AMOTL2: variants seen among roughly 807,000 people sequenced by gnomAD.
AMOTL2 encodes angiomotin-like protein 2.
AMOTL2 carries 33 observed loss-of-function variants against 78.4 expected under a neutral mutation model. That is an observed-to-expected ratio of 0.42 (90% CI 0.32 to 0.56). The LOEUF (loss-of-function observed/expected upper bound fraction) is 0.56, where lower values mean the gene tolerates loss of function less well. AMOTL2 is among the 20% of genes least tolerant of loss of function. AMOTL2 has a pLI of 0.12. For synonymous variants in AMOTL2, 422 were observed against 428.8 expected (o/e 0.98, Z 0.20); for missense variants, 983 against 1,030.1 (o/e 0.95, Z 0.63).
At chr3:134,367,377 G>C in intron 3 of AMOTL2, 120 bp downstream of exon 3, 2 of 1,195,366 alleles carry the variant, frequency 1.7e-6, no homozygotes, top group Non-Finnish European at 2.4e-6. Flanking sequence ...CAGAGGGATA[G>C]GGAGAAATCC....
chr3:134,361,799 G>C lies in AMOTL2; in HGVS notation c.1288C>G (p.Gln430Glu), dbSNP rs1317015868. ...VAKLLAQSYE[Q>E]QQEQEKLERE... ...TCCAGCTTCTCTTGCTCCTGCTGCT[G>C]TTCGTAGCCTGTAGGGAGAAAGAGG... Residue 430 changes from glutamine to glutamate, a missense_variant, in exon 6 of 10, where the codon CAG becomes GAG. Coordinates refer to ENST00000249883, the MANE Select transcript of AMOTL2 (RefSeq NM_016201.4). The C allele has an allele frequency of 9.7e-6, 15 of 1,553,354 alleles. No homozygotes were observed. Among genetic ancestry groups the C allele is most frequent in the Admixed American group, 1.9e-5 (1 of 53,028 alleles).
intron 5 of AMOTL2, among the ~76,000 whole-genome samples, chr3:134,364,405 A>C (rs999827462): frequency 5.3e-5 from 8 of 151,810 alleles, no homozygotes; most frequent in Non-Finnish European, 7.4e-5. Flanking sequence ...AACCCGCCCC[A>C]TGGCTTCCTT....
intron 5 of AMOTL2, among the ~76,000 whole-genome samples, chr3:134,363,596 G>C (rs1178210939): frequency 2.6e-5 from 4 of 152,258 alleles, no homozygotes; most frequent in African/African-American, 9.6e-5. Context: ...CCAGCCTCAG[G>C]CCTCAAGGCC....
chr3:134,371,952 C>T, intron 1 of AMOTL2: 1 of 173,948 alleles, frequency 5.7e-6, no homozygotes, highest in South Asian at 1.3e-4. Context: ...AGGCCTAGTT[C>T]AGATCTAACC....
rs1471820078 is a variant in AMOTL2 at position 134,360,198 on chromosome 3, A to G, written c.1791T>C (p.Thr597=). The G allele has an allele frequency of 3.7e-6, 6 of 1,614,102 alleles. No individual in the cohort carries two copies. The highest frequency in any genetic ancestry group is 2.2e-5 in the East Asian group (1 of 44,884). Residue 597 remains threonine, a synonymous_variant, in exon 7 of 10, where the codon ACT becomes ACC. Transcript: ENST00000249883. ...AGGGCTGGGGGGAATGTCGGATGAG[A>G]GTGGTGTCACGCTGAGCAGCAGCCG... ...AATAAAQRDT[T]LIRHSPQPSP...
At chr3:134,372,303 G>A (rs1013552850) in intron 1 of AMOTL2, among the ~76,000 whole-genome samples, 10 of 152,274 alleles carry the variant, frequency 6.6e-5, no homozygotes, top group African/African-American at 2.4e-4. Flanking sequence ...GATGACCTTG[G>A]CAGTCATTCT....
intron 5 of AMOTL2, among the ~76,000 whole-genome samples, chr3:134,365,513 C>T (rs1223363118): frequency 6.6e-6 from 1 of 152,218 alleles, no homozygotes; most frequent in Non-Finnish European, 1.5e-5. Flanking sequence ...CCTTGCCTCC[C>T]GCACTGCCCA....
At chr3:134,375,190 A>G (rs1434553139), upstream of AMOTL2, 6 of 1,535,486 alleles carry the variant, frequency 3.9e-6, no homozygotes, top group Admixed American at 1.2e-4. Context: ...CCACCTACCC[A>G]ACTGAATCAC....
At position 134,358,671 on chromosome 3, in the gene AMOTL2, G is replaced by A. The variant is rs772553627; in HGVS notation, c.2153C>T (p.Ala718Val). The A allele has an allele frequency of 6.2e-7, 1 of 1,614,166 alleles. No individual in the cohort carries two copies. Among genetic ancestry groups the A allele is most frequent in the Non-Finnish European group, 8.5e-7 (1 of 1,180,032 alleles). ...EEPVVTAPPAAHAKHGSRDGS... is the reference protein window; with the variant it reads ...EEPVVTAPPAVHAKHGSRDGS... ...ATCTCTGCTCCCGTGTTTGGCATGG[G>A]CAGCAGGGGGAGCTGTGACCACTGG... The change falls in exon 9 of 10, where the codon GCC (alanine) becomes GTC (valine). Residue 718 changes from alanine to valine, a missense_variant. By Grantham distance (64) the Ala-to-Val change is moderately conservative (BLOSUM62 0). Coordinates refer to ENST00000249883, the MANE Select transcript of AMOTL2 (RefSeq NM_016201.4).
At chr3:134,366,725 G>C (rs2017621662) in intron 3 of AMOTL2, 1 of 303,194 alleles carries the variant, frequency 3.3e-6, no homozygotes, top group East Asian at 7.8e-5. Flanking sequence ...CAGCTTCCCT[G>C]TGCCCAGTGT....
Position 134,371,509 on chromosome 3 carries a change from G to A in AMOTL2, c.-61-15C>T. 1 of 1,577,374 alleles carries A rather than the reference G, an allele frequency of 6.3e-7. No individual in the cohort carries two copies. Among genetic ancestry groups the A allele is most frequent in the Non-Finnish European group, 8.6e-7 (1 of 1,164,412 alleles). Reference sequence around the variant, plus strand: ...CCCCAGAGCACCTGGAGTGGGGTGGGGAGAGAGAGAGAGAAAAGCAATCAG... The same window carrying A: ...CCCCAGAGCACCTGGAGTGGGGTGGAGAGAGAGAGAGAGAAAAGCAATCAG... On this transcript the variant is annotated splice_polypyrimidine_tract_variant and intron_variant, in intron 1 of 9. Transcript: ENST00000249883.
rs1041612260 is a variant in AMOTL2, at chr3:134,358,778, C to T, written c.2105-59G>A. On this transcript the variant is annotated intron_variant, in intron 8 of 9. Transcript: ENST00000249883. The stretch of plus-strand genomic sequence containing the variant: ...TGTAAGATGTGGCCCTGGTGAAGGA[C>T]ACTCTAAGTTAACTGTCCCTGCTGG... The T allele has an allele frequency of 1.8e-5, 29 of 1,596,162 alleles. No individual in the cohort carries two copies. The African/African-American group carries it at 3.6e-4, about 20-fold the overall frequency.
chr3:134,359,647 G>A, intron 7 of AMOTL2, 144 bp from the exon 8 acceptor site: 1 of 677,980 alleles, frequency 1.5e-6, no homozygotes, highest in Non-Finnish European at 2.5e-6. Flanking sequence ...TTGTAGCAGG[G>A]ACCCAGAGAG....
chr3:134,360,480 G>A lies in AMOTL2; in HGVS notation c.1576-67C>T, dbSNP rs2017308840. ...TGGGGTGTGGCAGCCACTGGTCTTC[G>A]CCTCCACACGACTGTCACTTGTACA... is the stretch of plus-strand genomic sequence containing the variant. On this transcript the variant is annotated intron_variant, in intron 6 of 9. Coordinates refer to ENST00000249883, the MANE Select transcript of AMOTL2 (RefSeq NM_016201.4). The A allele has an allele frequency of 1.1e-5, 15 of 1,343,118 alleles. No individual in the cohort carries two copies. The South Asian group carries it at 1.3e-4, about 12-fold the overall frequency. The allele number at this position is 1,343,118 out of a possible 1,614,324, so 83.2% of individuals were successfully genotyped here.
intron 6 of AMOTL2, 67 bp downstream of exon 6, chr3:134,361,445 T>C (rs1429418728): frequency 6.8e-7 from 1 of 1,481,424 alleles, no homozygotes; most frequent in African/African-American, 1.4e-5. Flanking sequence ...AAACCTACAG[T>C]CCCCGAGGAG....
At chr3:134,374,493 G>C (rs2018014263), upstream of AMOTL2, 1 of 985,594 alleles carries the variant, frequency 1.0e-6, no homozygotes, top group Admixed American at 6.1e-5. Flanking sequence ...GCCCGCGCCG[G>C]AGGCGGCTGC....
At chr3:134,359,540 C>T (rs780930614) in intron 7 of AMOTL2, 37 bp from the exon 8 acceptor site, 3 of 1,554,354 alleles carry the variant, frequency 1.9e-6, no homozygotes, top group African/African-American at 2.7e-5. Context: ...TTGTCAGACC[C>T]ACAGATCCAA....
At chr3:134,366,016 G>A in intron 4 of AMOTL2, 107 bp from the exon 5 acceptor site, 5 of 1,235,994 alleles carry the variant, frequency 4.0e-6, no homozygotes, top group Non-Finnish European at 5.8e-6. Context: ...ATTGGGGATG[G>A]GTTCATAAGG....
Position 134,367,347 on chromosome 3 carries a change from G to A in AMOTL2, c.1041+150C>T, listed in dbSNP as rs999717701. On this transcript the variant is annotated intron_variant, in intron 3 of 9. Transcript: ENST00000249883. ...GGAGTCAGCTCAGGAGGGTGCATGA[G>A]GAGTGAGGGAGGTGGAAGACAGAGG... 5.5e-6 allele frequency: 5 copies of A among 907,424 alleles called. No homozygotes were observed. The South Asian group carries it at 8.6e-5, about 16-fold the overall frequency. 56.2% of individuals were successfully genotyped at this position (907,424 alleles called of 1,614,324 possible).
Sources: allele counts gnomAD v4.1 joint callset (sites outside exome capture counted in the v4.1 genomes callset), GRCh38; gene constraint gnomAD v4.1.1; transcripts MANE v1.5; gene names NCBI Gene and HGNC (gene_info 2026-07-23, HGNC 2026-07-21).